The following PLEKHG1 variants were observed in gnomAD, a reference collection of about 807,000 sequenced individuals.
PLEKHG1 encodes pleckstrin homology domain-containing family G member 1.
In PLEKHG1, 44 loss-of-function variants were observed where a neutral mutation model predicts 100.8. The ratio of observed to expected loss-of-function variants is 0.44; its 90% CI spans 0.34 to 0.56. The LOEUF is 0.56. PLEKHG1 is among the 20% of genes least tolerant of loss of function. The probability of loss-of-function intolerance (pLI) is 0.01; values close to 1 mark genes in which losing one functional copy is unlikely to be tolerated. For synonymous variants in PLEKHG1, 640 were observed against 662.5 expected, an observed-to-expected ratio of 0.97 and a Z score of 0.52; for missense variants, 1,545 against 1,720.9, an observed-to-expected ratio of 0.90 and a Z score of 1.81.
intron 11 of PLEKHG1, among the ~76,000 whole-genome samples, chr6:150,818,883 C>T (rs1776136621): frequency 6.6e-6 from 1 of 152,200 alleles, no homozygotes. Context: ...GACCTTACTT[C>T]GAGGAATCAA....
rs115947842 is a variant in PLEKHG1, at chr6:150,814,733, G to A, written c.1279-3450G>A. On this transcript the variant is annotated intron_variant, in intron 10 of 15. Coordinates refer to ENST00000358517, the Ensembl canonical transcript of PLEKHG1. ...TTTTGTTTTGTTTTGTTTTGAAACAGCGTCTCACTCTGTCACCCAGGCTGG... is the reference window on the plus strand; with the variant it reads ...TTTTGTTTTGTTTTGTTTTGAAACAACGTCTCACTCTGTCACCCAGGCTGG... 5.4e-3 allele frequency among the ~76,000 whole-genome samples: 819 copies of A among 152,234 alleles called. 10 individuals are homozygous for A. Among genetic ancestry groups the A allele is most frequent in the African/African-American group, 0.019 (788 of 41,548 alleles).
chr6:150,819,116 ATTTT>A (rs56049606), intron 11 of PLEKHG1, among the ~76,000 whole-genome samples: 1 of 133,068 alleles, frequency 7.5e-6, no homozygotes. Flanking sequence ...TTGCCTTCGG[ATTTT>A]TTTTTTTTTT....
chr6:150,809,049 C>A, intron 7 of PLEKHG1, 56 bp from the exon 9 acceptor site: 3 of 1,487,820 alleles, frequency 2.0e-6, no homozygotes, highest in Non-Finnish European at 2.8e-6. Context: ...GGCCACCAAG[C>A]CCTTGGTGCC....
intron 15 of PLEKHG1, among the ~76,000 whole-genome samples, chr6:150,833,994 C>G (rs988034962): frequency 6.6e-6 from 1 of 152,028 alleles, no homozygotes; most frequent in Admixed American, 6.5e-5. Context: ...AGTTACATAA[C>G]AAGAATCTGT....
chr6:150,616,228 C>G (rs1777066494), intron 1 of PLEKHG1, among the ~76,000 whole-genome samples: 1 of 152,160 alleles, frequency 6.6e-6, no homozygotes, highest in South Asian at 2.1e-4. Flanking sequence ...GTAGGTGGCT[C>G]TCTGCAATTA....
In PLEKHG1 at chr6:150,626,659, A is replaced by G. The variant is rs1024919023; in HGVS notation, c.-203-11421A>G. On this transcript the variant is annotated intron_variant, in intron 1 of 3. Coordinates refer to the PLEKHG1 transcript ENST00000367326. ...TCATGACACCACCCAAGATAAGTAA[A>G]GCTCTTTGGGGAGGTGCGTGTAAAT... Among the ~76,000 whole-genome samples, 7 of 152,292 alleles carry G rather than the reference A, an allele frequency of 4.6e-5. No individual in the cohort carries two copies. The East Asian group carries it at 1.4e-3, about 29-fold the overall frequency.
At chr6:150,625,743 C>T (rs368138845) in intron 1 of PLEKHG1, 1 of 152,228 alleles carries the variant, frequency 6.6e-6, no homozygotes, top group African/African-American at 2.4e-5. Context: ...ATCTGCCCAC[C>T]TCGGCCCTGC....
chr6:150,631,483 C>G (rs998503359), intron 1 of PLEKHG1, among the ~76,000 whole-genome samples: 1 of 152,210 alleles, frequency 6.6e-6, no homozygotes, highest in African/African-American at 2.4e-5. Flanking sequence ...ACAGCCACAC[C>G]TTACACCTAG....
chr6:150,659,590 C>T (rs1028666940), intron 3 of PLEKHG1, among the ~76,000 whole-genome samples: 1 of 152,216 alleles, frequency 6.6e-6, no homozygotes, highest in African/African-American at 2.4e-5. Context: ...TCAAATGGAG[C>T]TATGGAGCAG....
Position 150,603,806 on chromosome 6 carries a change from C to G in PLEKHG1, c.-204+3789C>G, listed in dbSNP as rs772716357. On this transcript the variant is annotated intron_variant, in intron 1 of 3. Coordinates refer to the PLEKHG1 transcript ENST00000367326. ...ATGGAAAGCTAAATCCTGCTGGATT[C>G]GTGGATCCGCAAATCCATAACTCTC... 2.0e-5 allele frequency among the ~76,000 whole-genome samples: 3 copies of G among 152,320 alleles called. No homozygotes were observed. In the South Asian group the frequency reaches 6.2e-4, roughly 32 times the overall value.
chr6:150,782,299 T>C (rs1785357698), intron 3 of PLEKHG1, among the ~76,000 whole-genome samples: 1 of 151,792 alleles, frequency 6.6e-6, no homozygotes, highest in South Asian at 2.1e-4. Context: ...GAGGCTGAGG[T>C]AGGAGAATCG....
rs117536786 is a variant in PLEKHG1 at position 150,698,643 on chromosome 6, C to T, written c.-98-34941C>T. On this transcript the variant is annotated intron_variant, in intron 3 of 3. Coordinates refer to the PLEKHG1 transcript ENST00000367326. ...AACAAAACACAAGTACCTCCTGTAA[C>T]GCAACTGTAGGCCAGACGATACATA... 4.2e-3 allele frequency among the ~76,000 whole-genome samples: 646 copies of T among 152,266 alleles called. 12 individuals carry two copies. Among genetic ancestry groups the T allele is most frequent in the East Asian group, 0.042 (220 of 5,186 alleles).
chr6:150,792,655 C>G (rs527908583), intron 4 of PLEKHG1, among the ~76,000 whole-genome samples: 1 of 151,370 alleles, frequency 6.6e-6, no homozygotes, highest in African/African-American at 2.4e-5. Context: ...GCCTAGGTGA[C>G]AGAGCAAGAC....
chr6:150,634,239 G>A (rs143786485), intron 1 of PLEKHG1, among the ~76,000 whole-genome samples: 2,247 of 125,366 alleles, frequency 0.018, 66 homozygotes, highest in African/African-American at 0.075. Flanking sequence ...AGCAAAACTC[G>A]ATCTCCCCCC....
chr6:150,685,732 G>A (rs1780105810), intron 3 of PLEKHG1, among the ~76,000 whole-genome samples: 1 of 152,164 alleles, frequency 6.6e-6, no homozygotes, highest in African/African-American at 2.4e-5. Flanking sequence ...TCTTTCTTTG[G>A]TAAATTGTAG....
chr6:150,634,606 A>G (rs1212231641), intron 1 of PLEKHG1, among the ~76,000 whole-genome samples: 3 of 152,258 alleles, frequency 2.0e-5, no homozygotes, highest in African/African-American at 7.2e-5. Flanking sequence ...AAATATTTCA[A>G]CTGAAAGAAA....
intron 2 of PLEKHG1, among the ~76,000 whole-genome samples, chr6:150,735,540 T>C (rs912602040): frequency 6.6e-6 from 1 of 152,238 alleles, no homozygotes; most frequent in African/African-American, 2.4e-5. Flanking sequence ...AAAATAGTTA[T>C]GATGTACCTT....
At chr6:150,751,271 A>G (rs1783494995) in intron 2 of PLEKHG1, among the ~76,000 whole-genome samples, 1 of 35,596 alleles carries the variant, frequency 2.8e-5, no homozygotes, top group Non-Finnish European at 5.0e-5. Context: ...GGTGGAATGA[A>G]TACTTTTTTT....
At chr6:150,762,785 A>C (rs1784231784) in intron 2 of PLEKHG1, among the ~76,000 whole-genome samples, 1 of 152,158 alleles carries the variant, frequency 6.6e-6, no homozygotes, top group South Asian at 2.1e-4. Context: ...AAAGAGATTC[A>C]CTTAAGATTG....
Sources: allele counts gnomAD v4.1 joint callset (sites outside exome capture counted in the v4.1 genomes callset), GRCh38; gene constraint gnomAD v4.1.1; transcripts MANE v1.5; gene names NCBI Gene and HGNC (gene_info 2026-07-23, HGNC 2026-07-21).